Variants in RAB3GAP1 observed in about 807,000 individuals in gnomAD.
The protein encoded by RAB3GAP1 is rab3 GTPase-activating protein catalytic subunit.
RAB3GAP1 carries 86 observed loss-of-function variants against 130.7 expected under a neutral mutation model. That is an observed-to-expected ratio of 0.66 (90% CI 0.55 to 0.79). RAB3GAP1 has a LOEUF of 0.79. Among genes scored for constraint, RAB3GAP1 ranks in the 30% least tolerant of loss-of-function variants. The probability of loss-of-function intolerance (pLI) is 0.00; values close to 1 mark genes in which losing one functional copy is unlikely to be tolerated. For missense variants in RAB3GAP1, 1,029 were observed against 1,169.4 expected (o/e 0.88, Z 1.75); for synonymous variants, 367 against 401.7 (o/e 0.91, Z 1.03).
rs941894629 is a variant in RAB3GAP1 at position 135,135,753 on chromosome 2, G to A, written c.1744G>A (p.Glu582Lys). The change falls in exon 17 of 24, where the codon GAA (glutamate) becomes AAA (lysine). Residue 582 changes from glutamate to lysine, a missense_variant. Physicochemically the swap from Glu to Lys is moderately conservative, Grantham distance 56. Around this residue, in one of 3 missense-constraint regions of RAB3GAP1, gnomAD observed 373 missense variants for 493.6 expected, o/e 0.76. Transcript: ENST00000264158. ...GKSWDSWSDSEEEFFECLSDT... is the reference protein window; with the variant it reads ...GKSWDSWSDSKEEFFECLSDT... ...ATCTTGGGATTCCTGGAGTGACAGC[G>A]AAGAAGAATTTTTTGAATGCCTAAG... The A allele has an allele frequency of 6.2e-6, 10 of 1,613,962 alleles. No homozygotes were observed. The highest frequency in any genetic ancestry group is 1.1e-5 in the South Asian group (1 of 91,060).
intron 4 of RAB3GAP1, among the ~76,000 whole-genome samples, chr2:135,092,127 A>G (rs917464918): frequency 9.2e-5 from 14 of 152,222 alleles, no homozygotes; most frequent in African/African-American, 3.4e-4. Context: ...CATTAACCAT[A>G]TATACATATA....
intron 19 of RAB3GAP1, among the ~76,000 whole-genome samples, chr2:135,158,037 A>G (rs1692364141): frequency 6.6e-6 from 1 of 152,142 alleles, no homozygotes. Flanking sequence ...AAGGAAGGCA[A>G]GGAAGAACGC....
chr2:135,095,715 A>G (rs1174982151), intron 5 of RAB3GAP1, among the ~76,000 whole-genome samples: 1 of 152,202 alleles, frequency 6.6e-6, no homozygotes, highest in Non-Finnish European at 1.5e-5. Flanking sequence ...CAAGTTTTAA[A>G]TTGTATGCTG....
At chr2:135,174,110 G>A (rs1443702276), downstream of RAB3GAP1, among the ~76,000 whole-genome samples, 2 of 152,216 alleles carry the variant, frequency 1.3e-5, no homozygotes, top group Non-Finnish European at 2.9e-5. Flanking sequence ...CTCCTCCCCT[G>A]GAAGCTTGTG....
chr2:135,067,275 G>C (rs998371360), intron 3 of RAB3GAP1, among the ~76,000 whole-genome samples: 16 of 152,182 alleles, frequency 1.1e-4, no homozygotes, highest in Non-Finnish European at 1.3e-4. Context: ...TCACTGATGG[G>C]AATGCAGTGT....
chr2:135,080,586 C>T (rs1574090639), intron 3 of RAB3GAP1, among the ~76,000 whole-genome samples: 1 of 152,190 alleles, frequency 6.6e-6, no homozygotes, highest in Admixed American at 6.5e-5. Flanking sequence ...AACCAATGTA[C>T]CTTATGCCTA....
chr2:135,074,173 A>G lies in RAB3GAP1; in HGVS notation c.150+16087A>G, dbSNP rs548362772. 2.6e-5 allele frequency among the ~76,000 whole-genome samples: 4 copies of G among 152,322 alleles called. No homozygotes were observed. In the South Asian group the frequency reaches 8.3e-4, roughly 32 times the overall value. On this transcript the variant is annotated intron_variant, in intron 3 of 23. Transcript: ENST00000264158. ...GCTGTTTGGGATTACCTGGTTTAAG[A>G]TGTCTGGAGCAGGAGGGTTGGCTGC...
intron 17 of RAB3GAP1, among the ~76,000 whole-genome samples, chr2:135,141,356 C>G (rs1691833709): frequency 6.6e-6 from 1 of 151,768 alleles, no homozygotes; most frequent in Non-Finnish European, 1.5e-5. Flanking sequence ...TCCCGAGTAG[C>G]TGGGACTACA....
chr2:135,070,458 G>T (rs983312827), intron 3 of RAB3GAP1, among the ~76,000 whole-genome samples: 1 of 152,172 alleles, frequency 6.6e-6, no homozygotes, highest in African/African-American at 2.4e-5. Flanking sequence ...TTTTTAAGTA[G>T]AGATAGGGTC....
intron 9 of RAB3GAP1, among the ~76,000 whole-genome samples, chr2:135,125,094 T>C (rs945952730): frequency 1.3e-5 from 2 of 152,210 alleles, no homozygotes; most frequent in Admixed American, 1.3e-4. Flanking sequence ...AAGAAATTCT[T>C]CACCTCTTAG....
intron 3 of RAB3GAP1, among the ~76,000 whole-genome samples, chr2:135,083,110 C>T (rs559148853): frequency 6.6e-6 from 1 of 151,584 alleles, no homozygotes; most frequent in Admixed American, 6.6e-5. Context: ...TTTCAACCCA[C>T]AGTTGGTTGA....
At chr2:135,106,767 AT>A (rs150462142) in intron 5 of RAB3GAP1, among the ~76,000 whole-genome samples, 3,004 of 142,374 alleles carry the variant, frequency 0.021, 93 homozygotes, top group African/African-American at 0.071. Context: ...AAAAAAAAAA[AT>A]AAAAAAATAA....
At chr2:135,131,269 C>T (rs1298194977) in intron 13 of RAB3GAP1, among the ~76,000 whole-genome samples, 5 of 152,270 alleles carry the variant, frequency 3.3e-5, no homozygotes, top group East Asian at 1.9e-4. Context: ...CTCTGTCACC[C>T]AGACTGGAGT....
intron 3 of RAB3GAP1, among the ~76,000 whole-genome samples, chr2:135,069,479 T>A (rs762991430): frequency 8.5e-5 from 13 of 152,220 alleles, no homozygotes; most frequent in Non-Finnish European, 1.5e-5. Context: ...TTCCTTCTAA[T>A]GAATTTCATA....
Position 135,113,245 on chromosome 2 carries a change from TC to T in RAB3GAP1, c.458del (p.Ser153LeufsTer26). On this transcript the variant is annotated frameshift_variant, in exon 6 of 24. Coordinates refer to ENST00000264158, the MANE Select transcript of RAB3GAP1 (RefSeq NM_012233.3). LOFTEE classifies it high-confidence loss of function. ...GTGCAACCTTCTTCTGAGTTCTGTT[TC>T]TATTGCCTTGGGAAACACTGGCTGG... The part of the protein sequence containing the change: ...SKCNLLLSSV[S>X]IALGNTGCQV... The T allele has an allele frequency of 6.2e-7, 1 of 1,614,214 alleles. No individual in the cohort carries two copies. The highest frequency in any genetic ancestry group is 1.1e-5 in the South Asian group (1 of 91,084).
Position 135,126,572 on chromosome 2 carries a change from T to A in RAB3GAP1, c.900-11T>A. On this transcript the variant is annotated splice_polypyrimidine_tract_variant and intron_variant, in intron 10 of 23. Transcript: ENST00000264158. Reference sequence around the variant, plus strand: ...TAATTAGGATTTTATATTTATTGGTTTGCATTTTAGTGATTTGGATCCTAT... The same window carrying A: ...TAATTAGGATTTTATATTTATTGGTATGCATTTTAGTGATTTGGATCCTAT... 6.2e-7 allele frequency: 1 copy of A among 1,603,166 alleles called. No homozygotes were observed. The highest frequency in any genetic ancestry group is 8.5e-7 in the Non-Finnish European group (1 of 1,170,094).
intron 5 of RAB3GAP1, among the ~76,000 whole-genome samples, chr2:135,109,641 G>A (rs1690738186): frequency 6.6e-6 from 1 of 151,774 alleles, no homozygotes; most frequent in African/African-American, 2.4e-5. Context: ...GAGTGCAGTG[G>A]CGCAATCTCG....
At chr2:135,075,947 T>C (rs1177269699) in intron 3 of RAB3GAP1, among the ~76,000 whole-genome samples, 2 of 150,210 alleles carry the variant, frequency 1.3e-5, no homozygotes, top group East Asian at 3.9e-4. Flanking sequence ...GGTCTCACTC[T>C]GTCGCCAGGC....
chr2:135,129,907 G>C, intron 11 of RAB3GAP1, 88 bp from the exon 12 acceptor site: 1 of 885,662 alleles, frequency 1.1e-6, no homozygotes. Context: ...TTAGTTAATA[G>C]CTTTTGTGGA....
Sources: allele counts gnomAD v4.1 joint callset (sites outside exome capture counted in the v4.1 genomes callset), GRCh38; gene constraint gnomAD v4.1.1; regional missense constraint gnomAD v4.1.1; transcripts MANE v1.5; gene names NCBI Gene and HGNC (gene_info 2026-07-23, HGNC 2026-07-21).